Variants in ZMAT4 observed in about 807,000 individuals in gnomAD.
The protein encoded by ZMAT4 is zinc finger matrin-type protein 4.
In ZMAT4, 17 loss-of-function variants were observed where a neutral mutation model predicts 28.7. The ratio of observed to expected loss-of-function variants is 0.59; its 90% confidence interval spans 0.41 to 0.89. The LOEUF is 0.89. ZMAT4 is among the 40% of genes least tolerant of loss of function. The pLI, the probability that ZMAT4 is intolerant of heterozygous loss-of-function variation, is 0.00. For missense variants in ZMAT4, 240 were observed against 283.8 expected (o/e 0.85, Z 1.11); for synonymous variants, 117 against 109.2 (o/e 1.07, Z -0.44).
chr8:40,582,177 G>A (rs972809625), intron 5 of ZMAT4, among the ~76,000 whole-genome samples: 1 of 152,158 alleles, frequency 6.6e-6, no homozygotes, highest in Non-Finnish European at 1.5e-5. Flanking sequence ...TCTACAAGAC[G>A]AAGACAAGGC....
At chr8:40,601,594 GA>G (rs1222837183) in intron 5 of ZMAT4, among the ~76,000 whole-genome samples, 3 of 12,578 alleles carry the variant, frequency 2.4e-4, no homozygotes, top group Admixed American at 9.1e-4. Context: ...AAGAAAGAAA[GA>G]AAGAAAGAAA....
At chr8:40,561,413 C>T (rs565713963) in intron 6 of ZMAT4, among the ~76,000 whole-genome samples, 44 of 152,226 alleles carry the variant, frequency 2.9e-4, no homozygotes, top group South Asian at 1.7e-3. Context: ...TTCTGGTTTT[C>T]ACTCTCAGAA....
intron 5 of ZMAT4, among the ~76,000 whole-genome samples, chr8:40,601,697 AAAGAAAGAAAAG>A (rs1805387674): frequency 3.3e-5 from 1 of 30,554 alleles, no homozygotes; most frequent in African/African-American, 1.0e-4. Flanking sequence ...AGAAAGAAAG[AAAGAAAGAAAAG>A]AAAGAAAGAA....
chr8:40,538,497 G>A (rs538658249), intron 6 of ZMAT4, among the ~76,000 whole-genome samples: 1 of 152,026 alleles, frequency 6.6e-6, no homozygotes, highest in Non-Finnish European at 1.5e-5. Flanking sequence ...AGGCTGCATC[G>A]CGGGCCATAG....
chr8:40,788,975 G>A (rs921793437), intron 2 of ZMAT4, among the ~76,000 whole-genome samples: 1 of 142,118 alleles, frequency 7.0e-6, no homozygotes, highest in African/African-American at 2.7e-5. Context: ...GAGGAAGGGA[G>A]GGAGGGAGGG....
chr8:40,649,386 A>G (rs1807519449), intron 5 of ZMAT4, among the ~76,000 whole-genome samples: 1 of 152,358 alleles, frequency 6.6e-6, no homozygotes, highest in Admixed American at 6.5e-5. Flanking sequence ...TATCATAAAT[A>G]TATATGCACC....
intron 5 of ZMAT4, among the ~76,000 whole-genome samples, chr8:40,606,716 T>C (rs981949343): frequency 6.6e-6 from 1 of 152,220 alleles, no homozygotes; most frequent in African/African-American, 2.4e-5. Context: ...TGTATTTGAA[T>C]GTCTAGACCT....
chr8:40,869,319 A>G (rs1817774635), intron 1 of ZMAT4, among the ~76,000 whole-genome samples: 1 of 152,132 alleles, frequency 6.6e-6, no homozygotes, highest in African/African-American at 2.4e-5. Flanking sequence ...ACATTTACCA[A>G]TTGGCTGGTG....
chr8:40,846,695 A>G (rs1816912372), intron 1 of ZMAT4, among the ~76,000 whole-genome samples: 1 of 152,172 alleles, frequency 6.6e-6, no homozygotes, highest in Admixed American at 6.5e-5. Context: ...AGGGCTGGGC[A>G]TTGCCAAAGA....
intron 1 of ZMAT4, among the ~76,000 whole-genome samples, chr8:40,843,919 G>A (rs1816787489): frequency 6.6e-6 from 1 of 152,192 alleles, no homozygotes; most frequent in Non-Finnish European, 1.5e-5. Context: ...ACATTTTTAA[G>A]ATCAGTCCCT....
intron 5 of ZMAT4, among the ~76,000 whole-genome samples, chr8:40,658,092 A>T (rs1228436796): frequency 6.6e-6 from 1 of 152,158 alleles, no homozygotes; most frequent in African/African-American, 2.4e-5. Flanking sequence ...TTTATTTTTC[A>T]GATTCTCTTG....
At chr8:40,882,906 T>C (rs1563264950) in intron 1 of ZMAT4, among the ~76,000 whole-genome samples, 2 of 152,044 alleles carry the variant, frequency 1.3e-5, no homozygotes, top group Non-Finnish European at 2.9e-5. Flanking sequence ...AGAAAAGATG[T>C]GTGAGTTCTC....
At chr8:40,881,544 A>AAGAAAG (rs796751191) in intron 1 of ZMAT4, among the ~76,000 whole-genome samples, 1,279 of 68,212 alleles carry the variant, frequency 0.019, 67 homozygotes, top group South Asian at 0.045. Context: ...GAAAGAAAGA[A>AAGAAAG]AGAAAGAAAG....
chr8:40,880,955 C>A (rs1319671092), intron 1 of ZMAT4, among the ~76,000 whole-genome samples: 1 of 152,188 alleles, frequency 6.6e-6, no homozygotes, highest in Non-Finnish European at 1.5e-5. Flanking sequence ...AACCGCCCAA[C>A]TCCCCACACC....
At chr8:40,557,934 T>A (rs891382066) in intron 6 of ZMAT4, among the ~76,000 whole-genome samples, 1 of 152,058 alleles carries the variant, frequency 6.6e-6, no homozygotes, top group Non-Finnish European at 1.5e-5. Flanking sequence ...AACTGCTAGG[T>A]AGAGACAAAA....
intron 1 of ZMAT4, among the ~76,000 whole-genome samples, chr8:40,873,164 CT>C (rs1223988187): frequency 6.6e-6 from 1 of 152,234 alleles, no homozygotes; most frequent in African/African-American, 2.4e-5. Context: ...GAGAAGCCCC[CT>C]GTGTCACCTG....
At chr8:40,809,472 A>C (rs1815233602) in intron 2 of ZMAT4, among the ~76,000 whole-genome samples, 1 of 152,156 alleles carries the variant, frequency 6.6e-6, no homozygotes, top group African/African-American at 2.4e-5. Context: ...TCTCAAATAC[A>C]TCTTGATATT....
intron 3 of ZMAT4, among the ~76,000 whole-genome samples, chr8:40,762,423 G>A (rs1411635822): frequency 6.6e-6 from 1 of 152,136 alleles, no homozygotes; most frequent in East Asian, 1.9e-4. Context: ...GAGAAGCTGA[G>A]GTGGGAGGAT....
chr8:40,799,083 A>C (rs7012273), intron 2 of ZMAT4, among the ~76,000 whole-genome samples: 62,504 of 128,640 alleles, frequency 0.49, 13,497 homozygotes, highest in Middle Eastern at 0.58. Context: ...GGCTGGCTGG[A>C]TGGATGGATG....
Sources: gnomAD v4.1 joint callset for allele counts (sites outside exome capture counted in the v4.1 genomes callset) on GRCh38, gnomAD v4.1.1 for gene constraint, MANE v1.5 for transcripts, NCBI Gene and HGNC (gene_info 2026-07-23, HGNC 2026-07-21) for gene names.